Variants in ADD3 observed in about 807,000 individuals in gnomAD.
The protein encoded by ADD3 is gamma-adducin.
Under a neutral mutation model 80.2 loss-of-function variants are expected in ADD3, and 25 were observed. The ratio of observed to expected loss-of-function variants is 0.31; its 90% CI spans 0.23 to 0.44. The LOEUF is 0.44. Ranked by LOEUF, ADD3 falls within the 20% of genes least tolerant of loss-of-function variation. The probability of loss-of-function intolerance (pLI) is 1.00; values close to 1 mark genes in which losing one functional copy is unlikely to be tolerated. For missense variants in ADD3, 829 were observed against 847.5 expected, an observed-to-expected ratio of 0.98 and a Z score of 0.27; for synonymous variants, 284 against 289.6, an observed-to-expected ratio of 0.98 and a Z score of 0.20.
Position 110,098,669 on chromosome 10 carries a change from G to A in ADD3, c.-29-1956G>A, listed in dbSNP as rs576668563. Among the ~76,000 whole-genome samples the A allele has an allele frequency of 2.0e-5, 3 of 149,928 alleles. No homozygotes were observed. The East Asian group carries it at 5.9e-4, about 29-fold the overall frequency. On this transcript the variant is annotated intron_variant, in intron 1 of 14. Coordinates refer to ENST00000356080, the MANE Select transcript of ADD3 (RefSeq NM_016824.5). ...TTTTGAGATGGAGTCTCACTCTGTTGCCCAGGCTGCAGTGCAATGGCGTGA... is the reference window on the plus strand; with the variant it reads ...TTTTGAGATGGAGTCTCACTCTGTTACCCAGGCTGCAGTGCAATGGCGTGA...
rs1297066344 is a variant in ADD3, at chr10:110,122,268, G to T, written c.1119G>T (p.Gly373=). 1 of 1,613,976 alleles carries T rather than the reference G, an allele frequency of 6.2e-7. No individual in the cohort carries two copies. Among genetic ancestry groups the T allele is most frequent in the Admixed American group, 1.7e-5 (1 of 60,002 alleles). The change falls in exon 9 of 15, where the codon GGG becomes GGT. Residue 373 remains glycine (G), a synonymous_variant. Coordinates refer to ENST00000356080, the MANE Select transcript of ADD3 (RefSeq NM_016824.5). Reference sequence around the variant, plus strand: ...AGGTTGGCGAAATTGAGTTTGAAGGGCTTATGAGGACTCTGGACAACTTGG... The same window carrying T: ...AGGTTGGCGAAATTGAGTTTGAAGGTCTTATGAGGACTCTGGACAACTTGG... The part of the protein sequence containing the change: ...KWKVGEIEFE[G]LMRTLDNLGY...
intron 1 of ADD3, among the ~76,000 whole-genome samples, chr10:110,052,900 G>T (rs1384282882): frequency 6.6e-6 from 1 of 152,138 alleles, no homozygotes. Flanking sequence ...TTCAAATGGA[G>T]TGCAGGAACA....
intron 2 of ADD3, among the ~76,000 whole-genome samples, chr10:110,108,406 G>A (rs1159239758): frequency 6.6e-6 from 1 of 152,106 alleles, no homozygotes; most frequent in Non-Finnish European, 1.5e-5. Context: ...TCAGTTGAGG[G>A]TTCCATATTT....
chr10:110,026,497 C>G (rs1467870102), intron 1 of ADD3, among the ~76,000 whole-genome samples: 3 of 152,068 alleles, frequency 2.0e-5, no homozygotes, highest in African/African-American at 7.2e-5. Flanking sequence ...TCAGGCTGGT[C>G]TTGAACTCCC....
chr10:110,018,459 C>T (rs976303967), intron 1 of ADD3, among the ~76,000 whole-genome samples: 3 of 133,712 alleles, frequency 2.2e-5, no homozygotes, highest in Admixed American at 8.7e-5. Flanking sequence ...ACCTGGGAGG[C>T]GGAGGTTGCA....
At chr10:110,050,458 G>A (rs893596401) in intron 1 of ADD3, among the ~76,000 whole-genome samples, 19 of 150,268 alleles carry the variant, frequency 1.3e-4, no homozygotes, top group Non-Finnish European at 2.7e-4. Flanking sequence ...CTTCCACCGT[G>A]ATTGTGAGTC....
upstream of ADD3, among the ~76,000 whole-genome samples, chr10:110,007,689 C>G (rs867405533): frequency 1.3e-5 from 2 of 152,286 alleles, no homozygotes; most frequent in South Asian, 2.1e-4. Context: ...AGGCCCCCAC[C>G]GCTGCGGCTT....
In ADD3 at chr10:110,031,316, T is replaced by C. The variant is rs532687637; in HGVS notation, c.-30+23017T>C. Among the ~76,000 whole-genome samples the C allele has an allele frequency of 8.5e-5, 13 of 152,288 alleles. 1 individual carries two copies. In the East Asian group the frequency reaches 1.5e-3, roughly 18 times the overall value. ...AAAATAAATTTATGGCTACTATCCA[T>C]TGGGCACCTGCCATGTGCAAGGTAC... On this transcript the variant is annotated intron_variant, in intron 1 of 14. Transcript: ENST00000356080.
chr10:110,034,513 G>A (rs536010496), intron 1 of ADD3, among the ~76,000 whole-genome samples: 11 of 151,530 alleles, frequency 7.3e-5, no homozygotes, highest in Middle Eastern at 6.8e-3. Context: ...TGTTTTAGTA[G>A]CAATTAAACT....
Position 110,074,804 on chromosome 10 carries a change from A to G in ADD3, c.-29-25821A>G, listed in dbSNP as rs139046678. Among the ~76,000 whole-genome samples the G allele has an allele frequency of 1.6e-3, 241 of 152,322 alleles. 1 individual carries two copies. Among genetic ancestry groups the G allele is most frequent in the African/African-American group, 5.4e-3 (226 of 41,558 alleles). Reference sequence around the variant, plus strand: ...GGAGAGAAGGGGGATAGCATGCTTCATGAGTTGCACACAAGCTCATACTTT... The same window carrying G: ...GGAGAGAAGGGGGATAGCATGCTTCGTGAGTTGCACACAAGCTCATACTTT... On this transcript the variant is annotated intron_variant, in intron 1 of 14. Coordinates refer to ENST00000356080, the MANE Select transcript of ADD3 (RefSeq NM_016824.5).
At chr10:110,042,048 T>G (rs1856430329) in intron 1 of ADD3, among the ~76,000 whole-genome samples, 1 of 152,220 alleles carries the variant, frequency 6.6e-6, no homozygotes, top group African/African-American at 2.4e-5. Context: ...AAAAATCCCC[T>G]TCTGGAAGAT....
intron 2 of ADD3, among the ~76,000 whole-genome samples, chr10:110,111,199 TTCTGCCTTC>T (rs2134037613): frequency 6.6e-6 from 1 of 152,328 alleles, no homozygotes; most frequent in African/African-American, 2.4e-5. Flanking sequence ...CAAAATAATT[TTCTGCCTTC>T]TCCCTCTTAG....
chr10:110,132,895 G>A lies in ADD3; in HGVS notation c.1829-431G>A, dbSNP rs918972429. ...TGAGCCAAGACTGCCACTGCACTCC[G>A]GCCTGGGCGACAGAGTGAGACTCCG... is the stretch of plus-strand genomic sequence containing the variant. On this transcript the variant is annotated intron_variant, in intron 14 of 14. Transcript: ENST00000356080. Among the ~76,000 whole-genome samples, 14 of 146,754 alleles carry A rather than the reference G, an allele frequency of 9.5e-5. No homozygotes were observed. The South Asian group carries it at 1.1e-3, about 11-fold the overall frequency.
chr10:110,063,081 C>T (rs1018882343), intron 1 of ADD3, among the ~76,000 whole-genome samples: 3 of 152,058 alleles, frequency 2.0e-5, no homozygotes, highest in African/African-American at 4.8e-5. Flanking sequence ...AATTTAGTTT[C>T]GAACAATGTC....
chr10:110,116,333 AC>A lies in ADD3; in HGVS notation c.410del (p.Thr137IlefsTer12). 1 of 1,613,964 alleles carries A rather than the reference AC, an allele frequency of 6.2e-7. No homozygotes were observed. Among genetic ancestry groups the A allele is most frequent in the South Asian group, 1.1e-5 (1 of 91,066 alleles). On this transcript the variant is annotated frameshift_variant, in exon 4 of 15. Transcript: ENST00000356080. LOFTEE classifies it high-confidence loss of function. ...CTCATATGTGAAGGGAGAAAAACTT[AC>A]TCGCTGTAAACTTGCCAGCCTGTAC... ...TSSYVKGEKL[T>X]RCKLASLYRL...
chr10:110,114,791 G>A (rs1850487436), intron 3 of ADD3, among the ~76,000 whole-genome samples: 1 of 152,106 alleles, frequency 6.6e-6, no homozygotes, highest in East Asian at 1.9e-4. Flanking sequence ...GGAAATAGCA[G>A]GCTAGGCTGG....
At chr10:110,117,664 A>ATTT (rs113227454) in intron 5 of ADD3, among the ~76,000 whole-genome samples, 82 of 146,432 alleles carry the variant, frequency 5.6e-4, no homozygotes, top group East Asian at 5.2e-3. Context: ...GGGAATCGTG[A>ATTT]TTTTTTTTTT....
At chr10:110,088,149 C>A (rs886888465) in intron 1 of ADD3, among the ~76,000 whole-genome samples, 4 of 152,162 alleles carry the variant, frequency 2.6e-5, no homozygotes, top group African/African-American at 9.7e-5. Flanking sequence ...CCAGTATGAT[C>A]TCAACTTAAT....
At position 110,125,831 on chromosome 10, in the gene ADD3, G is replaced by A. The variant is rs1212337731; in HGVS notation, c.1407G>A (p.Met469Ile). 7 of 1,582,754 alleles carry A rather than the reference G, an allele frequency of 4.4e-6. No homozygotes were observed. Among genetic ancestry groups the A allele is most frequent in the Non-Finnish European group, 5.2e-6 (6 of 1,161,624 alleles). ...ETSPRTKITW[M>I]KAEDSSKVSG... ...GAAAATTTTTGATTCTTTAGTGGAT[G>A]AAAGCAGAAGACTCATCTAAAGTTA... Residue 469 changes from methionine (M) to isoleucine (I), a missense_variant, in exon 11 of 15, where the codon ATG (methionine) becomes ATA (isoleucine). Transcript: ENST00000356080.
Sources: gnomAD v4.1 joint callset for allele counts (sites outside exome capture counted in the v4.1 genomes callset) on GRCh38, gnomAD v4.1.1 for gene constraint, MANE v1.5 for transcripts, NCBI Gene and HGNC (gene_info 2026-07-23, HGNC 2026-07-21) for gene names.